The following ESRRG variants were observed in gnomAD, a reference collection of about 807,000 sequenced individuals.
The protein encoded by ESRRG is estrogen related receptor gamma.
ESRRG carries 13 observed loss-of-function variants against 44.0 expected under a neutral mutation model. The observed-to-expected ratio is 0.30, with a 90% CI of 0.19 to 0.47. The LOEUF (loss-of-function observed/expected upper bound fraction) is 0.47, where lower values mean the gene tolerates loss of function less well. Ranked by LOEUF, ESRRG falls within the 20% of genes least tolerant of loss-of-function variation. The pLI is 1.00. For synonymous variants in ESRRG, 215 were observed against 214.6 expected, an observed-to-expected ratio of 1.00 and a Z score of -0.02; for missense variants, 395 against 580.6, an observed-to-expected ratio of 0.68 and a Z score of 3.29.
At chr1:216,561,048 CTAGAGA>C (rs937965227) in intron 5 of ESRRG, among the ~76,000 whole-genome samples, 15 of 151,922 alleles carry the variant, frequency 9.9e-5, no homozygotes, top group Non-Finnish European at 1.8e-4. Context: ...TTTTTTTCTT[CTAGAGA>C]TAAAGTATGG....
intron 1 of ESRRG, among the ~76,000 whole-genome samples, chr1:216,992,686 A>G (rs559389364): frequency 6.6e-6 from 1 of 152,342 alleles, no homozygotes; most frequent in Non-Finnish European, 1.5e-5. Flanking sequence ...CATAGATATC[A>G]AATTCCAATA....
chr1:216,709,549 C>T (rs1261705179), intron 1 of ESRRG, among the ~76,000 whole-genome samples: 1 of 151,862 alleles, frequency 6.6e-6, no homozygotes, highest in African/African-American at 2.4e-5. Context: ...TAAATGCCCC[C>T]CTTCTTTTTG....
intron 1 of ESRRG, among the ~76,000 whole-genome samples, chr1:217,081,376 A>G (rs995620944): frequency 6.6e-6 from 1 of 151,382 alleles, no homozygotes; most frequent in Non-Finnish European, 1.5e-5. Flanking sequence ...TACAGGCATG[A>G]GCCACCACGC....
intron 2 of ESRRG, among the ~76,000 whole-genome samples, chr1:216,843,337 C>T (rs575119562): frequency 6.6e-6 from 1 of 151,812 alleles, no homozygotes; most frequent in Non-Finnish European, 1.5e-5. Flanking sequence ...CCACAGGGCT[C>T]TACAAAATAT....
upstream of ESRRG, among the ~76,000 whole-genome samples, chr1:217,093,332 G>C (rs2092376980): frequency 6.6e-6 from 1 of 152,086 alleles, no homozygotes; most frequent in African/African-American, 2.4e-5. Flanking sequence ...ATGTGAGAGA[G>C]GAGAAAAAGC....
At chr1:216,868,079 CTTT>C (rs58738849) in intron 2 of ESRRG, among the ~76,000 whole-genome samples, 13,558 of 76,832 alleles carry the variant, frequency 0.18, 384 homozygotes, top group African/African-American at 0.26. Flanking sequence ...TATATTGATC[CTTT>C]TTTTTTTTTT....
In ESRRG at chr1:216,990,072, CA is replaced by C. The variant is rs200826920; in HGVS notation, c.-105-50400del. ...GTTATACCCAACAATTCTTTAGAGT[CA>C]AAAAAAAATTGTCTGAACTCACAAA... On this transcript the variant is annotated intron_variant, in intron 1 of 7. Transcript: ENST00000359162. 7.3e-5 allele frequency among the ~76,000 whole-genome samples: 11 copies of C among 150,914 alleles called. No homozygotes were observed. In the East Asian group the frequency reaches 9.7e-4, roughly 13 times the overall value.
chr1:217,115,926 C>G (rs1041835973), intron 1 of ESRRG, among the ~76,000 whole-genome samples: 1 of 152,072 alleles, frequency 6.6e-6, no homozygotes, highest in Non-Finnish European at 1.5e-5. Context: ...GTAATAGCTG[C>G]TCAATATAAA....
intron 1 of ESRRG, among the ~76,000 whole-genome samples, chr1:217,098,905 G>A (rs2151563679): frequency 6.6e-6 from 1 of 152,280 alleles, no homozygotes; most frequent in East Asian, 1.9e-4. Context: ...CTCTTAGGGA[G>A]GACTACCTAT....
chr1:216,680,601 C>G (rs1217126790), intron 1 of ESRRG, among the ~76,000 whole-genome samples: 1 of 152,214 alleles, frequency 6.6e-6, no homozygotes, highest in African/African-American at 2.4e-5. Flanking sequence ...TACTGCATCA[C>G]CCACCCAGGG....
At chr1:216,762,061 A>T (rs1358086539) in intron 2 of ESRRG, among the ~76,000 whole-genome samples, 4 of 152,122 alleles carry the variant, frequency 2.6e-5, no homozygotes, top group South Asian at 2.1e-4. Context: ...GATGGGTGTT[A>T]TATTATTAAA....
intron 2 of ESRRG, among the ~76,000 whole-genome samples, chr1:216,882,996 T>A (rs2149330931): frequency 6.6e-6 from 1 of 152,280 alleles, no homozygotes; most frequent in East Asian, 1.9e-4. Flanking sequence ...CCGCTTTCCT[T>A]ATTTAAACTA....
intron 1 of ESRRG, chr1:216,715,123 T>C: frequency 5.1e-6 from 5 of 985,410 alleles, no homozygotes; most frequent in Non-Finnish European, 6.0e-6. Context: ...GAATGAGCCT[T>C]CCTTTAGATG....
chr1:216,576,665 C>T (rs1573376123), intron 3 of ESRRG, among the ~76,000 whole-genome samples: 1 of 151,960 alleles, frequency 6.6e-6, no homozygotes. Flanking sequence ...GGATCATGTG[C>T]TAAATTTATA....
chr1:216,853,748 T>C (rs2095875050), intron 2 of ESRRG, among the ~76,000 whole-genome samples: 2 of 152,190 alleles, frequency 1.3e-5, no homozygotes. Context: ...CAACAGCGAG[T>C]TGCTTTGAGT....
At chr1:216,789,021 A>T (rs183614863) in intron 2 of ESRRG, among the ~76,000 whole-genome samples, 60 of 152,286 alleles carry the variant, frequency 3.9e-4, no homozygotes, top group African/African-American at 1.3e-3. Flanking sequence ...TGGTTTCTTG[A>T]GATGGAATCT....
At chr1:216,779,443 A>AATATTTAAAAATATAAATATAAATAT (rs2093801915) in intron 2 of ESRRG, among the ~76,000 whole-genome samples, 1 of 5,418 alleles carries the variant, frequency 1.8e-4, no homozygotes, top group African/African-American at 4.4e-4. Flanking sequence ...TATAAAAATA[A>AATATTTAAAAATATAAATATAAATAT]ATATTTATAA....
At chr1:216,600,827 G>A (rs1204144991) in intron 3 of ESRRG, among the ~76,000 whole-genome samples, 1 of 152,170 alleles carries the variant, frequency 6.6e-6, no homozygotes, top group Non-Finnish European at 1.5e-5. Context: ...AGTAAACAAT[G>A]CAGAATGATC....
chr1:216,519,318 A>T lies in ESRRG; in HGVS notation c.966T>A (p.Asp322Glu). The T allele has an allele frequency of 2.5e-6, 4 of 1,613,878 alleles. No individual in the cohort carries two copies. Among genetic ancestry groups the T allele is most frequent in the Non-Finnish European group, 3.4e-6 (4 of 1,179,852 alleles). ...TATAATCGTCTGCATAGACAAGTTC[A>T]TCCTCAAACGAAAGAGACCGGTATA... The part of the protein sequence containing the change: ...GVVYRSLSFE[D>E]ELVYADDYIM... The change falls in exon 6 of 7, where the codon GAT (aspartate) becomes GAA (glutamate). Residue 322 changes from aspartate to glutamate, a missense_variant. Asp to Glu is a conservative substitution (Grantham distance 45, BLOSUM62 2). Around this residue, in one of 5 missense-constraint regions of ESRRG, gnomAD observed 167 missense variants for 251.8 expected, o/e 0.66. Transcript: ENST00000408911.
Sources: gnomAD v4.1 joint callset for allele counts (sites outside exome capture counted in the v4.1 genomes callset) on GRCh38, gnomAD v4.1.1 for gene constraint, gnomAD v4.1.1 regional missense constraint, MANE v1.5 for transcripts, NCBI Gene and HGNC (gene_info 2026-07-23, HGNC 2026-07-21) for gene names.